The following BCKDHB variants were observed in gnomAD, a reference collection of about 807,000 sequenced individuals.
The protein encoded by BCKDHB is 2-oxoisovalerate dehydrogenase subunit beta, mitochondrial.
A neutral mutation model predicts 48.5 loss-of-function variants in BCKDHB; 41 were observed. That is an observed-to-expected ratio of 0.85 (90% confidence interval 0.66 to 1.10). BCKDHB has a LOEUF of 1.10. BCKDHB is among the 50% of genes least tolerant of loss of function. The pLI is 0.00. For synonymous variants in BCKDHB, 201 were observed against 174.8 expected (o/e 1.15, Z -1.18); for missense variants, 496 against 494.2 (o/e 1.00, Z -0.03).
At position 80,200,026 on chromosome 6, in the gene BCKDHB, T is replaced by C. The variant is rs1265995949; in HGVS notation, c.743-908T>C. 2.4e-5 allele frequency among the ~76,000 whole-genome samples: 3 copies of C among 124,394 alleles called. No homozygotes were observed. In the East Asian group the frequency reaches 7.0e-4, roughly 29 times the overall value. The allele number at this position is 124,394 out of a possible 152,430, so 81.6% of individuals were successfully genotyped here. A position where few individuals can be genotyped will look rare whatever the true frequency, so the allele number is the denominator to read the frequency against. On this transcript the variant is annotated intron_variant, in intron 6 of 9. Coordinates refer to ENST00000320393, the MANE Select transcript of BCKDHB (RefSeq NM_183050.4). Reference sequence around the variant, plus strand: ...AGGCAGAGGTTGCAGATCACACCACTGCACTCCAGCCTGGGTGACAGAGTG... The same window carrying C: ...AGGCAGAGGTTGCAGATCACACCACCGCACTCCAGCCTGGGTGACAGAGTG...
At chr6:80,233,196 C>A (rs1184311217) in intron 8 of BCKDHB, among the ~76,000 whole-genome samples, 1 of 151,988 alleles carries the variant, frequency 6.6e-6, no homozygotes, top group Non-Finnish European at 1.5e-5. Context: ...ACATAGTAAG[C>A]CTAAAATGTC....
chr6:80,204,052 G>A (rs1347002836), intron 8 of BCKDHB, among the ~76,000 whole-genome samples: 1 of 152,156 alleles, frequency 6.6e-6, no homozygotes, highest in South Asian at 2.1e-4. Context: ...ATGTAAAATT[G>A]TAGGAAACAA....
the BCKDHB span, among the ~76,000 whole-genome samples, chr6:80,460,211 A>G: frequency 6.6e-6 from 1 of 152,170 alleles, no homozygotes; most frequent in Non-Finnish European, 1.5e-5. Context: ...TCCAATTGAG[A>G]TATCACAAGT....
At chr6:80,334,297 A>G (rs1184602517) in intron 9 of BCKDHB, among the ~76,000 whole-genome samples, 2 of 152,150 alleles carry the variant, frequency 1.3e-5, no homozygotes, top group African/African-American at 4.8e-5. Context: ...CATGCTAGCA[A>G]AAATCATCTG....
At chr6:80,321,040 C>G (rs1007861257) in intron 9 of BCKDHB, among the ~76,000 whole-genome samples, 4 of 152,110 alleles carry the variant, frequency 2.6e-5, no homozygotes, top group Admixed American at 6.5e-5. Flanking sequence ...AGGATAGATT[C>G]TATCCTAACC....
At chr6:80,261,671 T>C (rs1195170491) in intron 8 of BCKDHB, among the ~76,000 whole-genome samples, 1 of 152,134 alleles carries the variant, frequency 6.6e-6, no homozygotes, top group Non-Finnish European at 1.5e-5. Flanking sequence ...ACGTTTCATC[T>C]GTATCCTTTC....
the BCKDHB span, among the ~76,000 whole-genome samples, chr6:80,364,157 C>T: frequency 1.3e-5 from 2 of 152,156 alleles, no homozygotes; most frequent in African/African-American, 4.8e-5. Context: ...GAATCATGTG[C>T]AATAAGATTT....
chr6:80,106,802 C>T lies in BCKDHB; in HGVS notation c.109C>T (p.His37Tyr), dbSNP rs1209189522. The T allele has an allele frequency of 1.9e-6, 3 of 1,603,314 alleles. No individual in the cohort carries two copies. Among genetic ancestry groups the T allele is most frequent in the Non-Finnish European group, 2.6e-6 (3 of 1,175,980 alleles). ...PGAGLARGFL[H>Y]PAATVEDAAQ... Reference sequence around the variant, plus strand: ...CGCGGGGCTGGCGCGGGGCTTTTTGCACCCCGCCGCGACTGTCGAGGATGC... The same window carrying T: ...CGCGGGGCTGGCGCGGGGCTTTTTGTACCCCGCCGCGACTGTCGAGGATGC... The change falls in exon 1 of 10, where the codon CAC becomes TAC. Residue 37 changes from histidine (H) to tyrosine (Y), a missense_variant. Coordinates refer to ENST00000320393, the MANE Select transcript of BCKDHB (RefSeq NM_183050.4).
At chr6:80,159,602 C>T (rs1481934564) in intron 3 of BCKDHB, among the ~76,000 whole-genome samples, 1 of 152,102 alleles carries the variant, frequency 6.6e-6, no homozygotes, top group Non-Finnish European at 1.5e-5. Flanking sequence ...CTTTAGTTGA[C>T]CCTAAAACAA....
chr6:80,299,663 G>C (rs546386978), intron 9 of BCKDHB, among the ~76,000 whole-genome samples: 1 of 152,170 alleles, frequency 6.6e-6, no homozygotes, highest in Non-Finnish European at 1.5e-5. Context: ...AGCAATTGTT[G>C]AGGGAATACA....
the BCKDHB span, among the ~76,000 whole-genome samples, chr6:80,382,861 A>G: frequency 6.6e-6 from 1 of 152,124 alleles, no homozygotes; most frequent in Non-Finnish European, 1.5e-5. Flanking sequence ...CAGTTAGCAA[A>G]TTCTTTTCTT....
the BCKDHB span, chr6:80,355,398 T>TAAAAAAA: frequency 2.3e-4 from 2 of 8,660 alleles, no homozygotes; most frequent in Non-Finnish European, 3.7e-4. Context: ...AGACTCTGTC[T>TAAAAAAA]CAAAAAAAAA....
the BCKDHB span, among the ~76,000 whole-genome samples, chr6:80,449,333 A>G: frequency 1.3e-5 from 2 of 152,212 alleles, no homozygotes; most frequent in Non-Finnish European, 2.9e-5. Flanking sequence ...TTCATTTAAT[A>G]CATTTGTGTT....
chr6:80,406,516 T>C, the BCKDHB span, among the ~76,000 whole-genome samples: 3 of 152,352 alleles, frequency 2.0e-5, no homozygotes, highest in South Asian at 6.2e-4. Context: ...CTCCAGCATC[T>C]GTTGTTTTCT....
chr6:80,278,831 C>T (rs1232352378), intron 9 of BCKDHB, among the ~76,000 whole-genome samples: 1 of 152,108 alleles, frequency 6.6e-6, no homozygotes, highest in Non-Finnish European at 1.5e-5. Flanking sequence ...TGCCTTTCCC[C>T]ATTCTTTCCT....
rs1236456512 is a variant in BCKDHB at position 80,168,938 on chromosome 6, A to G, written c.541A>G (p.Thr181Ala). The change falls in exon 5 of 10, where the codon ACT (threonine) becomes GCT (alanine). Residue 181 changes from threonine (T) to alanine (A), a missense_variant. Thr to Ala is a moderately conservative substitution (Grantham distance 58). Transcript: ENST00000320393. ...GGATCTTTTTAACTGTGGAAGCCTC[A>G]CTATCCGGTCCCCTTGGGGCTGTGT... ...SGDLFNCGSL[T>A]IRSPWGCVGH... 2 of 1,614,132 alleles carry G rather than the reference A, an allele frequency of 1.2e-6. No homozygotes were observed. Among genetic ancestry groups the G allele is most frequent in the East Asian group, 2.2e-5 (1 of 44,872 alleles).
intron 9 of BCKDHB, among the ~76,000 whole-genome samples, chr6:80,337,842 C>G (rs1546929): frequency 6.6e-6 from 1 of 151,984 alleles, no homozygotes; most frequent in Non-Finnish European, 1.5e-5. Flanking sequence ...GATAATCCTA[C>G]AGGAAACGTA....
At chr6:80,426,097 G>C in the BCKDHB span, among the ~76,000 whole-genome samples, 1 of 152,198 alleles carries the variant, frequency 6.6e-6, no homozygotes. Context: ...TAGGTAGAGA[G>C]AGTCTTCTTA....
At chr6:80,403,635 T>C in the BCKDHB span, among the ~76,000 whole-genome samples, 2 of 151,890 alleles carry the variant, frequency 1.3e-5, no homozygotes, top group Admixed American at 1.3e-4. Context: ...AGTGGTGAGA[T>C]TGGGCATCAT....
Sources: gnomAD v4.1 joint callset for allele counts (sites outside exome capture counted in the v4.1 genomes callset) on GRCh38, gnomAD v4.1.1 for gene constraint, MANE v1.5 for transcripts, NCBI Gene and HGNC (gene_info 2026-07-23, HGNC 2026-07-21) for gene names.